The following FBXL5 variants were observed in gnomAD, a reference collection of about 807,000 sequenced individuals.
FBXL5 encodes F-box/LRR-repeat protein 5.
Under a neutral mutation model 78.3 loss-of-function variants are expected in FBXL5, and 26 were observed. The ratio of observed to expected loss-of-function variants is 0.33; its 90% CI spans 0.24 to 0.46. The LOEUF is 0.46. Among genes scored for constraint, FBXL5 ranks in the 20% least tolerant of loss-of-function variants. The pLI is 1.00. For synonymous variants in FBXL5, 295 were observed against 282.5 expected, an observed-to-expected ratio of 1.04 and a Z score of -0.45; for missense variants, 710 against 829.2, an observed-to-expected ratio of 0.86 and a Z score of 1.77.
upstream of FBXL5, among the ~76,000 whole-genome samples, chr4:15,660,387 A>T (rs564559579): frequency 6.6e-6 from 1 of 152,162 alleles, no homozygotes; most frequent in Non-Finnish European, 1.5e-5. Flanking sequence ...CAGCCCCGAC[A>T]TTGTTTTAAA....
At chr4:15,649,693 G>A (rs1715740494) in intron 1 of FBXL5, among the ~76,000 whole-genome samples, 1 of 151,354 alleles carries the variant, frequency 6.6e-6, no homozygotes, top group Non-Finnish European at 1.5e-5. Context: ...TTCACATATA[G>A]ACTTTATGGA....
intron 10 of FBXL5, chr4:15,612,019 A>C: frequency 6.0e-6 from 2 of 331,818 alleles, no homozygotes; most frequent in Non-Finnish European, 1.1e-5. Flanking sequence ...TTTTGATTAC[A>C]CTATTACATC....
intron 8 of FBXL5, among the ~76,000 whole-genome samples, chr4:15,626,551 C>T (rs1713084395): frequency 6.6e-6 from 1 of 152,204 alleles, no homozygotes; most frequent in Non-Finnish European, 1.5e-5. Flanking sequence ...TAAGAGGGAG[C>T]TTTGCCAAAT....
At chr4:15,635,053 C>T (rs1011635467) in intron 5 of FBXL5, among the ~76,000 whole-genome samples, 2 of 152,086 alleles carry the variant, frequency 1.3e-5, no homozygotes, top group Non-Finnish European at 2.9e-5. Flanking sequence ...TATACGTGGC[C>T]GGGCACGGTG....
upstream of FBXL5, among the ~76,000 whole-genome samples, chr4:15,660,311 A>G (rs907050272): frequency 6.6e-6 from 1 of 152,042 alleles, no homozygotes; most frequent in Non-Finnish European, 1.5e-5. Context: ...TTGAACTCCT[A>G]GCTTCAAGCA....
At position 15,604,550 on chromosome 4, in the gene FBXL5, G is replaced by T. The variant is rs1721758528; in HGVS notation, c.*1173C>A. ...CAATATACGAGACATGAAAGGAGAA[G>T]TTTTATTGGAAACATGGCACCAATA... On this transcript the variant is annotated 3_prime_UTR_variant, in exon 11 of 11. Coordinates refer to ENST00000341285, the MANE Select transcript of FBXL5 (RefSeq NM_012161.4). 1 of 152,198 alleles carries T rather than the reference G, an allele frequency of 6.6e-6. No individual in the cohort carries two copies. The highest frequency in any genetic ancestry group is 2.4e-5 in the African/African-American group (1 of 41,442). The allele number at this position is 152,198 out of a possible 1,614,324, so 9.4% of individuals were successfully genotyped here.
rs1242518107 is a variant in FBXL5, at chr4:15,605,043, C to T, written c.*680G>A. On this transcript the variant is annotated 3_prime_UTR_variant, in exon 11 of 11. Coordinates refer to ENST00000341285, the MANE Select transcript of FBXL5 (RefSeq NM_012161.4). ...GTCCTCAAAGTAGATTTTATTTATA[C>T]ATTTCTTCAAATGATTGTGGTATTT... The T allele has an allele frequency of 2.0e-5, 3 of 152,590 alleles. No homozygotes were observed. Among genetic ancestry groups the T allele is most frequent in the Non-Finnish European group, 2.9e-5 (2 of 68,040 alleles). 9.5% of individuals were successfully genotyped at this position (152,590 alleles called of 1,614,324 possible). A position where few individuals can be genotyped will look rare whatever the true frequency, so the allele number is the denominator to read the frequency against.
At chr4:15,624,667 GA>G (rs1423960656) in intron 9 of FBXL5, among the ~76,000 whole-genome samples, 1 of 131,776 alleles carries the variant, frequency 7.6e-6, no homozygotes, top group African/African-American at 2.9e-5. Context: ...AAACAGAAAA[GA>G]AAATGTAGAA....
intron 5 of FBXL5, among the ~76,000 whole-genome samples, chr4:15,632,985 G>T (rs1031128995): frequency 1.3e-5 from 2 of 152,160 alleles, no homozygotes; most frequent in Non-Finnish European, 2.9e-5. Flanking sequence ...TCTTGTGTCA[G>T]TTTTCAAAGG....
At chr4:15,629,514 A>G (rs1410228708) in intron 6 of FBXL5, among the ~76,000 whole-genome samples, 1 of 152,086 alleles carries the variant, frequency 6.6e-6, no homozygotes, top group Non-Finnish European at 1.5e-5. Context: ...ACCATCTAAT[A>G]TGGAATATAT....
intron 1 of FBXL5, among the ~76,000 whole-genome samples, chr4:15,673,144 C>T (rs1038797346): frequency 3.9e-5 from 6 of 152,022 alleles, no homozygotes; most frequent in African/African-American, 1.4e-4. Context: ...AAAAAGTATA[C>T]TCTAAAATAA....
At chr4:15,638,468 T>C in intron 4 of FBXL5, 40 bp downstream of exon 4, 1 of 1,453,118 alleles carries the variant, frequency 6.9e-7, no homozygotes, top group Non-Finnish European at 9.2e-7. Flanking sequence ...GTCAATGACC[T>C]TACAACTAAT....
upstream of FBXL5, among the ~76,000 whole-genome samples, chr4:15,661,171 T>A (rs1717292901): frequency 6.6e-6 from 1 of 152,220 alleles, no homozygotes; most frequent in Admixed American, 6.5e-5. Context: ...TTCCCTAAAA[T>A]GTCTCTACCA....
upstream of FBXL5, among the ~76,000 whole-genome samples, chr4:15,657,094 C>T (rs1394721121): frequency 6.6e-6 from 1 of 152,136 alleles, no homozygotes; most frequent in African/African-American, 2.4e-5. Flanking sequence ...CCCTTTCACC[C>T]CGTTTCTCGT....
At position 15,625,739 on chromosome 4, in the gene FBXL5, T is replaced by C. The variant is rs760358242; in HGVS notation, c.1363A>G (p.Ile455Val). 2 of 1,614,220 alleles carry C rather than the reference T, an allele frequency of 1.2e-6. No homozygotes were observed. The highest frequency in any genetic ancestry group is 1.7e-6 in the Non-Finnish European group (2 of 1,180,016). ...ACLHDLTNKG[I>V]GEEIDNEHPW... ...TGTTCATTATCTATTTCTTCTCCAA[T>C]GCCCTTGTTAGTTAAATCGTGCAAA... The change falls in exon 9 of 11, where the codon ATT becomes GTT. Residue 455 changes from isoleucine to valine, a missense_variant. Around this residue, in one of 4 missense-constraint regions of FBXL5, gnomAD observed 517 missense variants for 542.9 expected, o/e 0.95. Transcript: ENST00000341285.
At chr4:15,619,040 G>A (rs1712203148) in intron 9 of FBXL5, among the ~76,000 whole-genome samples, 1 of 152,144 alleles carries the variant, frequency 6.6e-6, no homozygotes, top group South Asian at 2.1e-4. Flanking sequence ...TGTGGTCCCA[G>A]CTACTTGTAG....
At chr4:15,649,578 CA>C (rs34238482) in intron 1 of FBXL5, among the ~76,000 whole-genome samples, 24,174 of 81,166 alleles carry the variant, frequency 0.3, 1,366 homozygotes, top group African/African-American at 0.31. Flanking sequence ...GACTACGTCT[CA>C]AAAAAAAAAA....
At chr4:15,646,778 G>C (rs934064211) in intron 1 of FBXL5, among the ~76,000 whole-genome samples, 17 of 145,750 alleles carry the variant, frequency 1.2e-4, no homozygotes, top group Non-Finnish European at 2.5e-4. Context: ...TTCCCACTAT[G>C]AGTGAGAACA....
chr4:15,655,463 C>A, upstream of FBXL5: 1 of 902,456 alleles, frequency 1.1e-6, no homozygotes, highest in Non-Finnish European at 1.3e-6. Flanking sequence ...CCATGCGATC[C>A]CTGCGGCCCA....
Sources: allele counts gnomAD v4.1 joint callset (sites outside exome capture counted in the v4.1 genomes callset), GRCh38; gene constraint gnomAD v4.1.1; regional missense constraint gnomAD v4.1.1; transcripts MANE v1.5; gene names NCBI Gene and HGNC (gene_info 2026-07-23, HGNC 2026-07-21).